Variants in PCDH9 observed in about 807,000 individuals in gnomAD.
The protein encoded by PCDH9 is protocadherin 9.
Under a neutral mutation model 70.6 loss-of-function variants are expected in PCDH9, and 24 were observed. The observed-to-expected ratio is 0.34, with a 90% CI of 0.25 to 0.48. The LOEUF (loss-of-function observed/expected upper bound fraction) is 0.48. PCDH9 is among the 20% of genes least tolerant of loss of function. PCDH9 has a pLI of 0.99. For missense variants in PCDH9, 1,281 were observed against 1,503.6 expected (o/e 0.85, Z 2.45); for synonymous variants, 562 against 558.5 (o/e 1.01, Z -0.09).
chr13:66,327,599 T>C (rs1321881885), intron 4 of PCDH9, among the ~76,000 whole-genome samples: 2 of 152,182 alleles, frequency 1.3e-5, no homozygotes, highest in African/African-American at 4.8e-5. Flanking sequence ...CAGTGTGGGT[T>C]AGAGCTCTAG....
chr13:66,997,505 C>CTGTTTTGTTTTGTTTTGTTTTGTTT (rs58349093), intron 2 of PCDH9, among the ~76,000 whole-genome samples: 4 of 144,300 alleles, frequency 2.8e-5, no homozygotes, highest in Non-Finnish European at 6.1e-5. Context: ...CACTGGAGGT[C>CTGTTTTGTTTTGTTTTGTTTTGTTT]TGTTTTGTTT....
In PCDH9 at chr13:66,804,224, C is replaced by G. The variant is rs185533977; in HGVS notation, c.3138+99280G>C. 6.6e-5 allele frequency among the ~76,000 whole-genome samples: 10 copies of G among 152,276 alleles called. No homozygotes were observed. The East Asian group carries it at 1.9e-3, about 29-fold the overall frequency. On this transcript the variant is annotated intron_variant, in intron 3 of 4. Coordinates refer to ENST00000377865, the MANE Select transcript of PCDH9 (RefSeq NM_203487.3). ...ACATTGTGTTTTGGACAAACACTCTCAAATAATTCAGCTGTAAACTCATCC... is the reference window on the plus strand; with the variant it reads ...ACATTGTGTTTTGGACAAACACTCTGAAATAATTCAGCTGTAAACTCATCC...
Position 67,226,114 on chromosome 13 carries a change from T to C in PCDH9, c.2327A>G (p.Asp776Gly), listed in dbSNP as rs2089862631. ...TLVLVFLYVN[D>G]TAGNASYIYD... ...GATATAGGAGGCATTTCCAGCAGTGTCGTTAACATAAAGGAATACAAGCAC... is the reference window on the plus strand; with the variant it reads ...GATATAGGAGGCATTTCCAGCAGTGCCGTTAACATAAAGGAATACAAGCAC... The change falls in exon 2 of 5, where the codon GAC becomes GGC. Residue 776 changes from aspartate (D) to glycine (G), a missense_variant. Physicochemically the swap from Asp to Gly is moderately conservative, Grantham distance 94. Around this residue, in one of 4 missense-constraint regions of PCDH9, gnomAD observed 798 missense variants for 1,003.1 expected, o/e 0.80. Coordinates refer to ENST00000377865, the MANE Select transcript of PCDH9 (RefSeq NM_203487.3). This position sits in a 1 kb window ranked among gnomAD's most constrained non-coding sequence, Gnocchi z 5.0. 2 of 1,614,146 alleles carry C rather than the reference T, an allele frequency of 1.2e-6. No individual in the cohort carries two copies. The highest frequency in any genetic ancestry group is 1.3e-5 in the African/African-American group (1 of 75,032).
intron 3 of PCDH9, among the ~76,000 whole-genome samples, chr13:66,871,008 G>A (rs373528364): frequency 5.3e-5 from 8 of 151,982 alleles, no homozygotes; most frequent in South Asian, 2.1e-4. Flanking sequence ...ACAATGATAG[G>A]CTGGATTAAG....
chr13:66,718,610 G>A (rs1306272596), intron 3 of PCDH9, among the ~76,000 whole-genome samples: 1 of 152,108 alleles, frequency 6.6e-6, no homozygotes, highest in Non-Finnish European at 1.5e-5. Flanking sequence ...AGGCATAAAA[G>A]CTATCAGCAG....
intron 2 of PCDH9, among the ~76,000 whole-genome samples, chr13:67,104,520 A>T (rs2086496204): frequency 6.6e-6 from 1 of 152,154 alleles, no homozygotes; most frequent in Non-Finnish European, 1.5e-5. Flanking sequence ...CTCCTTAGAT[A>T]ACTAAACTTA....
At position 67,226,505 on chromosome 13, in the gene PCDH9, T is replaced by C. The variant is rs1358112099; in HGVS notation, c.1936A>G (p.Lys646Glu). Residue 646 changes from lysine (K) to glutamate (E), a missense_variant, in exon 2 of 5, where the codon AAA becomes GAA. Lys to Glu is a moderately conservative substitution (Grantham distance 56). Around this residue, in one of 4 missense-constraint regions of PCDH9, gnomAD observed 798 missense variants for 1,003.1 expected, o/e 0.80. Coordinates refer to ENST00000377865, the MANE Select transcript of PCDH9 (RefSeq NM_203487.3). The surrounding 1 kb of genome is among the most constrained non-coding windows in gnomAD (Gnocchi z 5.0). ...GGTGGTTGTCCTCCATCAGTGGCTTTGACATCAAAAGTGTAGGAACTCTGC... is the reference window on the plus strand; with the variant it reads ...GGTGGTTGTCCTCCATCAGTGGCTTCGACATCAAAAGTGTAGGAACTCTGC... ...EQQSSYTFDV[K>E]ATDGGQPPRS... 1 of 1,614,126 alleles carries C rather than the reference T, an allele frequency of 6.2e-7. No homozygotes were observed. The highest frequency in any genetic ancestry group is 1.7e-5 in the Admixed American group (1 of 60,026).
At chr13:66,697,899 T>C (rs1163299446) in intron 3 of PCDH9, among the ~76,000 whole-genome samples, 2 of 152,212 alleles carry the variant, frequency 1.3e-5, no homozygotes, top group African/African-American at 2.4e-5. Flanking sequence ...GGATGAATGG[T>C]AAACAAAATG....
At chr13:67,161,222 A>G (rs930360421) in intron 2 of PCDH9, among the ~76,000 whole-genome samples, 1 of 152,246 alleles carries the variant, frequency 6.6e-6, no homozygotes, top group African/African-American at 2.4e-5. Flanking sequence ...CTGTTCAAAT[A>G]TAAGGAAAGT....
At chr13:66,381,659 A>G (rs1188133090) in intron 4 of PCDH9, among the ~76,000 whole-genome samples, 1 of 152,222 alleles carries the variant, frequency 6.6e-6, no homozygotes, top group East Asian at 1.9e-4. Flanking sequence ...TAAAGCAAAC[A>G]AAGGCGAAGG....
intron 2 of PCDH9, chr13:67,202,717 G>A (rs1263933849): frequency 2.6e-5 from 4 of 152,096 alleles, no homozygotes; most frequent in Admixed American, 2.0e-4. Flanking sequence ...GTTTTGCATG[G>A]AGTAAGCATG....
At chr13:66,554,346 G>T (rs1333220276) in intron 4 of PCDH9, among the ~76,000 whole-genome samples, 1 of 152,020 alleles carries the variant, frequency 6.6e-6, no homozygotes, top group Non-Finnish European at 1.5e-5. Flanking sequence ...AACATTTTCA[G>T]CAGTCGAAGG....
chr13:66,700,479 C>A (rs2078623480), intron 3 of PCDH9, among the ~76,000 whole-genome samples: 1 of 152,084 alleles, frequency 6.6e-6, no homozygotes, highest in South Asian at 2.1e-4. Flanking sequence ...ACCTGAAATG[C>A]AGTAGCAGTC....
intron 2 of PCDH9, chr13:66,914,613 C>T (rs920738466): frequency 6.6e-6 from 1 of 151,786 alleles, no homozygotes; most frequent in Non-Finnish European, 1.5e-5. Flanking sequence ...TCATAAAATA[C>T]TATGTGATTG....
At chr13:66,609,906 A>T (rs1243753016) in intron 4 of PCDH9, among the ~76,000 whole-genome samples, 2 of 151,414 alleles carry the variant, frequency 1.3e-5, no homozygotes, top group Non-Finnish European at 2.9e-5. Flanking sequence ...TGTTAGAAGG[A>T]CTAGGTCTGA....
At chr13:66,988,744 A>T (rs9540962) in intron 2 of PCDH9, among the ~76,000 whole-genome samples, 150,833 of 152,092 alleles carry the variant, frequency 0.99, 74,807 homozygotes, top group East Asian at 1. Context: ...TTTATTTTTA[A>T]TGATGAAGAA....
chr13:67,174,063 A>G (rs1333484463), intron 2 of PCDH9, among the ~76,000 whole-genome samples: 1 of 152,144 alleles, frequency 6.6e-6, no homozygotes, highest in Non-Finnish European at 1.5e-5. Flanking sequence ...AAAATTTTAA[A>G]GCATCTTTAT....
chr13:66,852,593 C>T (rs554666590), intron 3 of PCDH9, among the ~76,000 whole-genome samples: 1 of 152,292 alleles, frequency 6.6e-6, no homozygotes, highest in South Asian at 2.1e-4. Flanking sequence ...CCCAAAGTGA[C>T]ACCCTTCTTA....
intron 2 of PCDH9, among the ~76,000 whole-genome samples, chr13:66,953,421 C>T (rs1414476857): frequency 6.6e-6 from 1 of 152,178 alleles, no homozygotes; most frequent in African/African-American, 2.4e-5. Flanking sequence ...ATTGATTAAG[C>T]ACTCCACTCC....
Sources: allele counts gnomAD v4.1 joint callset (sites outside exome capture counted in the v4.1 genomes callset), GRCh38; gene constraint gnomAD v4.1.1; regional missense constraint gnomAD v4.1.1; non-coding constraint Gnocchi (gnomAD v3.1); transcripts MANE v1.5; gene names NCBI Gene and HGNC (gene_info 2026-07-23, HGNC 2026-07-21).